ZFHX3: variants seen among roughly 807,000 people sequenced by gnomAD.
The protein encoded by ZFHX3 is zinc finger homeobox protein 3.
ZFHX3 carries 42 observed loss-of-function variants against 279.1 expected under a neutral mutation model. That is an observed-to-expected ratio of 0.15 (90% CI 0.12 to 0.19). ZFHX3 has a LOEUF of 0.19. Among genes scored for constraint, ZFHX3 ranks in the 10% least tolerant of loss-of-function variants. The pLI is 1.00. For missense variants in ZFHX3, 4,981 were observed against 4,754.0 expected, an observed-to-expected ratio of 1.05 and a Z score of -1.40; for synonymous variants, 2,293 against 1,957.8, an observed-to-expected ratio of 1.17 and a Z score of -4.52.
Position 73,485,674 on chromosome 16 carries a change from A to G in ZFHX3, c.-1546-29416T>C, listed in dbSNP as rs559193661. Among the ~76,000 whole-genome samples the G allele has an allele frequency of 7.2e-5, 11 of 152,024 alleles. No individual in the cohort carries two copies. The East Asian group carries it at 1.7e-3, about 24-fold the overall frequency. ...TGTTGAACCCAGTATGCTTTTTCTC[A>G]TCTCTTATTTTCACACAAGCTACTC... On this transcript the variant is annotated intron_variant, in intron 2 of 17. Coordinates refer to the ZFHX3 transcript ENST00000641206.
chr16:72,991,809 G>C (rs138447494), intron 1 of ZFHX3, among the ~76,000 whole-genome samples: 53 of 152,260 alleles, frequency 3.5e-4, no homozygotes, highest in Non-Finnish European at 6.2e-4. Flanking sequence ...ACACTGGCCA[G>C]GGGCTAGATG....
At chr16:72,809,615 C>G (rs1246323221) in intron 7 of ZFHX3, 2 of 152,164 alleles carry the variant, frequency 1.3e-5, no homozygotes, top group South Asian at 2.1e-4. Context: ...CTTGATGCAT[C>G]ATCAATTATA....
At position 72,958,495 on chromosome 16, in the gene ZFHX3, T is replaced by C; in HGVS notation, c.1651A>G (p.Ser551Gly). The change falls in exon 2 of 10, where the codon AGT becomes GGT. Residue 551 changes from serine (S) to glycine (G), a missense_variant. By Grantham distance (56) the Ser-to-Gly change is moderately conservative. Coordinates refer to ENST00000268489, the MANE Select transcript of ZFHX3 (RefSeq NM_006885.4). Reference protein sequence around the residue: ...QTLSRGTASTSSNSASSFVVF... With the variant: ...QTLSRGTASTGSNSASSFVVF... ...ACAAAGGAAGAAGCAGAATTAGAAC[T>C]AGTAGAAGCTGTGCCCCTCGACAGG... 2.5e-6 allele frequency: 4 copies of C among 1,614,106 alleles called. No homozygotes were observed. Among genetic ancestry groups the C allele is most frequent in the Non-Finnish European group, 1.7e-6 (2 of 1,180,040 alleles).
At chr16:73,241,008 T>G (rs1232111568) in intron 5 of ZFHX3, among the ~76,000 whole-genome samples, 1 of 152,234 alleles carries the variant, frequency 6.6e-6, no homozygotes, top group Non-Finnish European at 1.5e-5. Context: ...GTTGTCTAAC[T>G]GTTGGGGATG....
intron 1 of ZFHX3, among the ~76,000 whole-genome samples, chr16:73,821,654 G>A (rs1960743359): frequency 6.6e-6 from 1 of 152,248 alleles, no homozygotes; most frequent in South Asian, 2.1e-4. Context: ...TGAATAGTCT[G>A]AGGTATGAGG....
chr16:72,943,307 G>C (rs1567596426), intron 3 of ZFHX3, among the ~76,000 whole-genome samples: 1 of 152,316 alleles, frequency 6.6e-6, no homozygotes, highest in South Asian at 2.1e-4. Context: ...GCCAAGGTGG[G>C]TGGATCACCC....
At chr16:73,355,948 C>T (rs866080627) in intron 3 of ZFHX3, among the ~76,000 whole-genome samples, 2 of 152,298 alleles carry the variant, frequency 1.3e-5, no homozygotes, top group South Asian at 2.1e-4. Flanking sequence ...AGCCATTGTC[C>T]TTCCCGAGTC....
intron 1 of ZFHX3, among the ~76,000 whole-genome samples, chr16:73,866,018 C>T (rs1338316429): frequency 6.6e-6 from 1 of 151,840 alleles, no homozygotes; most frequent in Non-Finnish European, 1.5e-5. Flanking sequence ...TAAAACAAAA[C>T]ATGCTACTGC....
At chr16:73,283,195 C>G (rs943939745) in intron 4 of ZFHX3, among the ~76,000 whole-genome samples, 3 of 152,290 alleles carry the variant, frequency 2.0e-5, no homozygotes, top group African/African-American at 7.2e-5. Flanking sequence ...ACTTTGCTGA[C>G]ACCTGCTTTC....
intron 1 of ZFHX3, among the ~76,000 whole-genome samples, chr16:73,890,699 C>T (rs867549332): frequency 3.3e-5 from 5 of 152,112 alleles, no homozygotes; most frequent in Non-Finnish European, 7.3e-5. Context: ...CTTTCCTGTA[C>T]GTTACATCGT....
chr16:73,635,232 G>A (rs1204705470), intron 2 of ZFHX3, among the ~76,000 whole-genome samples: 1 of 152,172 alleles, frequency 6.6e-6, no homozygotes, highest in African/African-American at 2.4e-5. Flanking sequence ...GGGAAAGTAA[G>A]AAACTCCTGA....
intron 2 of ZFHX3, among the ~76,000 whole-genome samples, chr16:73,471,766 T>C (rs1454060854): frequency 6.6e-6 from 1 of 152,150 alleles, no homozygotes; most frequent in East Asian, 1.9e-4. Flanking sequence ...AGAACTCACA[T>C]AAAGGAGACT....
intron 3 of ZFHX3, among the ~76,000 whole-genome samples, chr16:72,942,535 T>C (rs1960461249): frequency 1.3e-5 from 2 of 152,150 alleles, no homozygotes; most frequent in Non-Finnish European, 2.9e-5. Context: ...GTGGTAGCTA[T>C]TAGACTTTCT....
chr16:73,536,519 T>C (rs1382327731), intron 2 of ZFHX3, among the ~76,000 whole-genome samples: 1 of 152,250 alleles, frequency 6.6e-6, no homozygotes, highest in Non-Finnish European at 1.5e-5. Context: ...TCCATCTGCA[T>C]AAAGTATAAC....
chr16:72,902,873 A>G (rs1302153270), intron 3 of ZFHX3, among the ~76,000 whole-genome samples: 1 of 152,188 alleles, frequency 6.6e-6, no homozygotes, highest in Non-Finnish European at 1.5e-5. Flanking sequence ...ACAGTCGCGC[A>G]GGCCAGCCGG....
At chr16:73,448,773 G>A (rs150580617) in intron 3 of ZFHX3, among the ~76,000 whole-genome samples, 1 of 147,540 alleles carries the variant, frequency 6.8e-6, no homozygotes, top group Admixed American at 6.8e-5. Context: ...AATTTTTTCT[G>A]TCTATTGCAT....
At position 72,788,810 on chromosome 16, in the gene ZFHX3, T is replaced by G. The variant is rs774756480; in HGVS notation, c.9466A>C (p.Ser3156Arg). ...AGGCCAGGGGAAGGAACAGTTGTGC[T>G]GGGCAGACCCATCAAGTTCGGCTTA... ...SPKPNLMGLP[S>R]TTVPSPGLPT... Residue 3156 changes from serine (S) to arginine (R), a missense_variant, in exon 10 of 10, where the codon AGC (serine) becomes CGC (arginine). Transcript: ENST00000268489. 7.2e-6 allele frequency: 11 copies of G among 1,526,540 alleles called. No individual in the cohort carries two copies. The highest frequency in any genetic ancestry group is 6.6e-5 in the South Asian group (5 of 75,498). 94.6% of individuals were successfully genotyped at this position (1,526,540 alleles called of 1,614,324 possible).
chr16:73,035,207 C>T (rs1201604829), intron 1 of ZFHX3, among the ~76,000 whole-genome samples: 1 of 152,158 alleles, frequency 6.6e-6, no homozygotes, highest in Non-Finnish European at 1.5e-5. Flanking sequence ...TATTGATTAC[C>T]TGTGGAAATG....
intron 5 of ZFHX3, among the ~76,000 whole-genome samples, chr16:73,182,116 C>T (rs966883219): frequency 1.3e-5 from 2 of 152,162 alleles, no homozygotes; most frequent in African/African-American, 4.8e-5. Context: ...GGAGGAAGTT[C>T]AGGTGAAGAA....
Sources: allele counts gnomAD v4.1 joint callset (sites outside exome capture counted in the v4.1 genomes callset), GRCh38; gene constraint gnomAD v4.1.1; transcripts MANE v1.5; gene names NCBI Gene and HGNC (gene_info 2026-07-23, HGNC 2026-07-21).